The following LINGO2 variants were observed in gnomAD, a reference collection of about 807,000 sequenced individuals.
LINGO2 encodes leucine rich repeat and Ig domain containing 2, also known as leucine-rich repeat and immunoglobulin-like domain-containing nogo receptor-interacting protein 2.
Under a neutral mutation model 30.6 loss-of-function variants are expected in LINGO2, and 14 were observed. The ratio of observed to expected loss-of-function variants is 0.46; its 90% CI spans 0.30 to 0.72. The LOEUF is 0.72. Among genes scored for constraint, LINGO2 ranks in the 30% least tolerant of loss-of-function variants. The pLI, the probability that LINGO2 is intolerant of heterozygous loss-of-function variation, is 0.07. For synonymous variants in LINGO2, 317 were observed against 288.5 expected (o/e 1.10, Z -1.00); for missense variants, 729 against 751.7 (o/e 0.97, Z 0.35).
chr9:29,182,965 G>A, the LINGO2 span, among the ~76,000 whole-genome samples: 1 of 152,042 alleles, frequency 6.6e-6, no homozygotes, highest in African/African-American at 2.4e-5. Flanking sequence ...CACCTACTTA[G>A]GATATGCAGA....
At chr9:28,716,817 G>A in the LINGO2 span, among the ~76,000 whole-genome samples, 1 of 151,972 alleles carries the variant, frequency 6.6e-6, no homozygotes, top group Non-Finnish European at 1.5e-5. Flanking sequence ...TAATGGTACA[G>A]ATATATGCTA....
the LINGO2 span, among the ~76,000 whole-genome samples, chr9:29,149,044 G>A: frequency 1.9e-4 from 29 of 152,164 alleles, no homozygotes; most frequent in Admixed American, 7.9e-4. Flanking sequence ...TCACAGAGGA[G>A]GATCCTAATT....
At chr9:29,203,017 A>C in the LINGO2 span, among the ~76,000 whole-genome samples, 2 of 152,106 alleles carry the variant, frequency 1.3e-5, no homozygotes, top group African/African-American at 4.8e-5. Flanking sequence ...TAATAGACTA[A>C]ATTTTTACTG....
chr9:28,754,759 T>C, the LINGO2 span, among the ~76,000 whole-genome samples: 1 of 151,498 alleles, frequency 6.6e-6, no homozygotes, highest in South Asian at 2.1e-4. Flanking sequence ...GCCTCCAGAG[T>C]AGATGGGACT....
intron 2 of LINGO2, among the ~76,000 whole-genome samples, chr9:28,453,956 GC>G (rs1295144003): frequency 6.6e-6 from 1 of 152,028 alleles, no homozygotes; most frequent in Admixed American, 6.6e-5. Flanking sequence ...CAGCTGCCTT[GC>G]AGTCTGTCTG....
intron 4 of LINGO2, among the ~76,000 whole-genome samples, chr9:28,186,271 T>C (rs1336338431): frequency 6.6e-6 from 1 of 152,178 alleles, no homozygotes; most frequent in African/African-American, 2.4e-5. Flanking sequence ...TAGGAAAATT[T>C]CTAAAGAGGC....
the LINGO2 span, among the ~76,000 whole-genome samples, chr9:28,821,812 G>A: frequency 2.0e-5 from 3 of 152,260 alleles, no homozygotes; most frequent in East Asian, 1.9e-4. Flanking sequence ...GAAGTATAGA[G>A]GATACGGGAA....
the LINGO2 span, among the ~76,000 whole-genome samples, chr9:29,029,884 A>G: frequency 6.6e-6 from 1 of 151,834 alleles, no homozygotes; most frequent in Non-Finnish European, 1.5e-5. Flanking sequence ...TCTGAAAAAC[A>G]TATTGGAAGA....
At chr9:28,276,478 T>C (rs1351029305) in intron 4 of LINGO2, among the ~76,000 whole-genome samples, 1 of 152,202 alleles carries the variant, frequency 6.6e-6, no homozygotes, top group African/African-American at 2.4e-5. Context: ...TGTCACTTGC[T>C]AACATGCCCT....
At chr9:28,408,786 A>AC (rs1482821675) in intron 2 of LINGO2, among the ~76,000 whole-genome samples, 37 of 45,998 alleles carry the variant, frequency 8.0e-4, no homozygotes, top group African/African-American at 1.0e-3. Flanking sequence ...AAAAAAAAAA[A>AC]ACAAAAAAAA....
chr9:28,322,910 T>C (rs1207035202), intron 3 of LINGO2, among the ~76,000 whole-genome samples: 1 of 152,212 alleles, frequency 6.6e-6, no homozygotes, highest in Non-Finnish European at 1.5e-5. Context: ...AGAAAATCCC[T>C]ATTTATATGT....
chr9:28,079,144 C>T (rs1182435670), intron 4 of LINGO2, among the ~76,000 whole-genome samples: 3 of 135,332 alleles, frequency 2.2e-5, no homozygotes, highest in Non-Finnish European at 4.4e-5. Context: ...TACTATTAGG[C>T]TTTAAAGCAG....
At chr9:28,278,910 A>G (rs1338527603) in intron 4 of LINGO2, among the ~76,000 whole-genome samples, 2 of 152,150 alleles carry the variant, frequency 1.3e-5, no homozygotes, top group Non-Finnish European at 2.9e-5. Flanking sequence ...GAAAAGATTC[A>G]CCATTCTAGA....
chr9:28,056,343 G>C (rs761420946), intron 4 of LINGO2, among the ~76,000 whole-genome samples: 4 of 152,080 alleles, frequency 2.6e-5, no homozygotes, highest in Non-Finnish European at 5.9e-5. Context: ...ACAGTTTGCT[G>C]TTTACTCGTA....
the LINGO2 span, among the ~76,000 whole-genome samples, chr9:29,012,187 G>T: frequency 1.2e-4 from 19 of 152,112 alleles, no homozygotes; most frequent in African/African-American, 4.1e-4. Flanking sequence ...CTGAAACCAC[G>T]TCTCTACTAA....
intron 1 of LINGO2, among the ~76,000 whole-genome samples, chr9:28,606,454 T>TA (rs1825698102): frequency 6.6e-6 from 1 of 152,010 alleles, no homozygotes; most frequent in Non-Finnish European, 1.5e-5. Context: ...GTAATATAGA[T>TA]ATAATACCAC....
intron 2 of LINGO2, among the ~76,000 whole-genome samples, chr9:28,374,878 G>T (rs1175076345): frequency 6.6e-6 from 1 of 152,008 alleles, no homozygotes; most frequent in Non-Finnish European, 1.5e-5. Flanking sequence ...AGTAAAGTAA[G>T]ATTGAAAAGA....
At chr9:28,736,160 C>T in the LINGO2 span, among the ~76,000 whole-genome samples, 171 of 152,218 alleles carry the variant, frequency 1.1e-3, no homozygotes, top group Admixed American at 6.4e-3. Flanking sequence ...ATGCCCAGTA[C>T]GTTCATCATG....
chr9:29,001,500 C>G, the LINGO2 span, among the ~76,000 whole-genome samples: 3 of 151,882 alleles, frequency 2.0e-5, no homozygotes, highest in Non-Finnish European at 2.9e-5. Flanking sequence ...AGAGGCTGAC[C>G]TCAATATGAG....
Sources: gnomAD v4.1 joint callset for allele counts (sites outside exome capture counted in the v4.1 genomes callset) on GRCh38, gnomAD v4.1.1 for gene constraint, MANE v1.5 for transcripts, NCBI Gene and HGNC (gene_info 2026-07-23, HGNC 2026-07-21) for gene names.